Variants in B3GALT1 observed in about 807,000 individuals in gnomAD.
The protein encoded by B3GALT1 is beta-1,3-galactosyltransferase 1.
In B3GALT1, 10 loss-of-function variants were observed where a neutral mutation model predicts 23.2. The ratio of observed to expected loss-of-function variants is 0.43; its 90% CI spans 0.27 to 0.73. The LOEUF (loss-of-function observed/expected upper bound fraction) is 0.73. Among genes scored for constraint, B3GALT1 ranks in the 30% least tolerant of loss-of-function variants. The pLI is 0.21. For missense variants in B3GALT1, 299 were observed against 405.4 expected (o/e 0.74, Z 2.25); for synonymous variants, 156 against 141.5 (o/e 1.10, Z -0.73).
intron 1 of B3GALT1, among the ~76,000 whole-genome samples, chr2:167,488,911 C>A (rs1179781325): frequency 1.3e-5 from 2 of 151,030 alleles, no homozygotes; most frequent in African/African-American, 2.4e-5. Flanking sequence ...TAATTGAATT[C>A]TTGGGAATCA....
chr2:167,655,316 G>A (rs901152917), intron 3 of B3GALT1, among the ~76,000 whole-genome samples: 1 of 152,102 alleles, frequency 6.6e-6, no homozygotes, highest in Admixed American at 6.6e-5. Context: ...TAGCTCATCA[G>A]AGCAGAAATT....
At chr2:167,653,148 CTCT>C (rs149234577) in intron 3 of B3GALT1, among the ~76,000 whole-genome samples, 8,376 of 152,174 alleles carry the variant, frequency 0.055, 537 homozygotes, top group African/African-American at 0.15. Context: ...ATAAAGAAGA[CTCT>C]TCTTCTGTGC....
chr2:167,808,366 G>T (rs1349760206), intron 3 of B3GALT1, among the ~76,000 whole-genome samples: 1 of 151,498 alleles, frequency 6.6e-6, no homozygotes, highest in Admixed American at 6.6e-5. Flanking sequence ...TGGTTATTTT[G>T]CTCGTTAGTT....
intron 1 of B3GALT1, among the ~76,000 whole-genome samples, chr2:167,476,657 CTA>C (rs1317194952): frequency 6.6e-6 from 1 of 152,134 alleles, no homozygotes; most frequent in Non-Finnish European, 1.5e-5. Context: ...TAAAAACAAA[CTA>C]TAGATACTTC....
At chr2:167,501,120 A>C (rs573086230) in intron 2 of B3GALT1, among the ~76,000 whole-genome samples, 9 of 152,256 alleles carry the variant, frequency 5.9e-5, no homozygotes, top group Non-Finnish European at 1.0e-4. Context: ...AAAAATGACT[A>C]TTCTTTTAAC....
At chr2:167,364,978 G>A (rs1165814284) in intron 1 of B3GALT1, among the ~76,000 whole-genome samples, 1 of 152,076 alleles carries the variant, frequency 6.6e-6, no homozygotes, top group Non-Finnish European at 1.5e-5. Flanking sequence ...ATTGGTAGGT[G>A]GACGTTTTCT....
intron 2 of B3GALT1, among the ~76,000 whole-genome samples, chr2:167,572,965 A>G (rs1215052793): frequency 2.0e-5 from 3 of 151,810 alleles, no homozygotes; most frequent in Non-Finnish European, 4.4e-5. Context: ...CCCAATTCAA[A>G]GAGACATTGT....
chr2:167,381,939 T>TG (rs1462775365), intron 1 of B3GALT1, among the ~76,000 whole-genome samples: 2 of 152,218 alleles, frequency 1.3e-5, no homozygotes, highest in Admixed American at 1.3e-4. Flanking sequence ...CTTTTACATT[T>TG]GGATCGGATA....
chr2:167,419,255 A>G (rs566884631), intron 1 of B3GALT1, among the ~76,000 whole-genome samples: 4 of 152,344 alleles, frequency 2.6e-5, no homozygotes, highest in African/African-American at 9.6e-5. Flanking sequence ...ACACAAAAAG[A>G]CAACTGCAAA....
At chr2:167,435,967 ACACACACACACACACG>A (rs548150534) in intron 1 of B3GALT1, among the ~76,000 whole-genome samples, 6 of 137,760 alleles carry the variant, frequency 4.4e-5, no homozygotes, top group East Asian at 2.0e-4. Flanking sequence ...ACACACACAC[ACACACACACACACACG>A]CACACACACA....
intron 2 of B3GALT1, among the ~76,000 whole-genome samples, chr2:167,543,092 C>A (rs975160577): frequency 1.3e-5 from 2 of 151,994 alleles, no homozygotes; most frequent in African/African-American, 4.8e-5. Flanking sequence ...GAAATATATA[C>A]TAATTATGTT....
chr2:167,752,336 A>G (rs1170295340), intron 3 of B3GALT1, among the ~76,000 whole-genome samples: 3 of 152,138 alleles, frequency 2.0e-5, no homozygotes, highest in Non-Finnish European at 4.4e-5. Context: ...ATTTATGACA[A>G]GAAGTCAGGA....
intron 1 of B3GALT1, among the ~76,000 whole-genome samples, chr2:167,393,737 A>G (rs1465120868): frequency 2.0e-5 from 3 of 152,278 alleles, no homozygotes; most frequent in African/African-American, 7.2e-5. Flanking sequence ...TTTCAACTGC[A>G]GGCTTTTATA....
chr2:167,426,661 T>A (rs76119363), intron 1 of B3GALT1, among the ~76,000 whole-genome samples: 1 of 152,152 alleles, frequency 6.6e-6, no homozygotes, highest in East Asian at 1.9e-4. Flanking sequence ...CTAGTAATTA[T>A]TAAATAAGTA....
intron 1 of B3GALT1, among the ~76,000 whole-genome samples, chr2:167,324,316 G>A (rs1371582541): frequency 6.6e-6 from 1 of 151,840 alleles, no homozygotes; most frequent in African/African-American, 2.4e-5. Flanking sequence ...CAGGTATATA[G>A]ATAGAAAATC....
chr2:167,795,567 T>G (rs945743756), intron 3 of B3GALT1, among the ~76,000 whole-genome samples: 3 of 152,202 alleles, frequency 2.0e-5, no homozygotes, highest in Non-Finnish European at 2.9e-5. Context: ...ATTCAGGACA[T>G]TTCCTCAAAT....
intron 2 of B3GALT1, among the ~76,000 whole-genome samples, chr2:167,565,039 G>T (rs535918022): frequency 6.6e-6 from 1 of 152,182 alleles, no homozygotes; most frequent in African/African-American, 2.4e-5. Context: ...AAAAGAGCCC[G>T]CATTGCCAAG....
chr2:167,564,273 G>A (rs1484839370), intron 2 of B3GALT1, among the ~76,000 whole-genome samples: 1 of 151,588 alleles, frequency 6.6e-6, no homozygotes, highest in Non-Finnish European at 1.5e-5. Flanking sequence ...TGGGCGGCCG[G>A]GCAGAGACGC....
intron 3 of B3GALT1, among the ~76,000 whole-genome samples, chr2:167,801,879 T>C (rs1688643923): frequency 6.6e-6 from 1 of 152,174 alleles, no homozygotes; most frequent in Admixed American, 6.5e-5. Flanking sequence ...TTTAAAGGCA[T>C]TAAATGTCAC....
Sources: allele counts gnomAD v4.1 joint callset (sites outside exome capture counted in the v4.1 genomes callset), GRCh38; gene constraint gnomAD v4.1.1; transcripts MANE v1.5; gene names NCBI Gene and HGNC (gene_info 2026-07-23, HGNC 2026-07-21).